The following NMS variants were observed in gnomAD, a reference collection of about 807,000 sequenced individuals.
The protein encoded by NMS is neuromedin S, also known as neuromedin-S.
A neutral mutation model predicts 32.2 loss-of-function variants in NMS; 30 were observed. That is an observed-to-expected ratio of 0.93 (90% CI 0.70 to 1.26). The LOEUF is 1.26. Among genes scored for constraint, NMS ranks in the 50% most tolerant of loss-of-function variants. NMS has a pLI of 0.00. For synonymous variants in NMS, 76 were observed against 58.5 expected, an observed-to-expected ratio of 1.30 and a Z score of -1.37; for missense variants, 190 against 186.3, an observed-to-expected ratio of 1.02 and a Z score of -0.12.
At chr2:100,483,058 C>G (rs1376571228) in intron 9 of NMS, among the ~76,000 whole-genome samples, 194 bp from the exon 10 acceptor site, 2 of 152,228 alleles carry the variant, frequency 1.3e-5, no homozygotes, top group African/African-American at 4.8e-5. Context: ...CTTACACCAA[C>G]CTAATGCCCT....
At chr2:100,478,216 C>T (rs538930137) in intron 5 of NMS, among the ~76,000 whole-genome samples, 4 of 152,264 alleles carry the variant, frequency 2.6e-5, no homozygotes, top group African/African-American at 7.2e-5. Flanking sequence ...CCTGCCTTGG[C>T]CTCCCAAAGT....
At chr2:100,471,826 AAC>A (rs1272153650) in intron 1 of NMS, among the ~76,000 whole-genome samples, 65 of 152,336 alleles carry the variant, frequency 4.3e-4, no homozygotes, top group African/African-American at 1.5e-3. Context: ...ATTTGGGGGA[AAC>A]ACAGGATAAG....
chr2:100,475,724 G>C (rs901326035), intron 3 of NMS, among the ~76,000 whole-genome samples: 1 of 152,128 alleles, frequency 6.6e-6, no homozygotes, highest in African/African-American at 2.4e-5. Flanking sequence ...AGTAGGCCGG[G>C]TGTGGTGGCT....
chr2:100,477,509 G>A (rs956342031), intron 5 of NMS, 95 bp downstream of exon 5: 2 of 882,660 alleles, frequency 2.3e-6, no homozygotes, highest in African/African-American at 3.4e-5. Flanking sequence ...TAGAAAAGCT[G>A]GGGGCTCCGG....
At chr2:100,473,623 CTGTA>C in intron 3 of NMS, 84 bp downstream of exon 3, 1 of 409,916 alleles carries the variant, frequency 2.4e-6, no homozygotes, top group Non-Finnish European at 4.0e-6. Context: ...CAGGAGAATG[CTGTA>C]TGTATGTGCA....
At chr2:100,483,158 G>T in intron 9 of NMS, 94 bp from the exon 10 acceptor site, 2 of 1,134,234 alleles carry the variant, frequency 1.8e-6, no homozygotes, top group Non-Finnish European at 2.6e-6. Flanking sequence ...AGGTCTAATT[G>T]TAAAATATGT....
At chr2:100,475,090 G>A (rs923132253) in intron 3 of NMS, among the ~76,000 whole-genome samples, 1 of 152,178 alleles carries the variant, frequency 6.6e-6, no homozygotes, top group Non-Finnish European at 1.5e-5. Context: ...GGCCCACTAG[G>A]AATGAATTTC....
chr2:100,474,089 C>G (rs147411566), intron 3 of NMS, among the ~76,000 whole-genome samples: 14 of 152,060 alleles, frequency 9.2e-5, no homozygotes, highest in Admixed American at 7.9e-4. Context: ...TGCTTGAACC[C>G]GGGAGGCGGA....
intron 9 of NMS, among the ~76,000 whole-genome samples, chr2:100,483,037 A>G (rs1303569676): frequency 2.6e-5 from 4 of 152,258 alleles, no homozygotes; most frequent in Non-Finnish European, 5.9e-5. Flanking sequence ...ATGCTCCCTG[A>G]GGCCATAGTG....
chr2:100,472,807 C>T lies in NMS; in HGVS notation c.89C>T (p.Pro30Leu). 1.2e-6 allele frequency: 2 copies of T among 1,608,072 alleles called. No individual in the cohort carries two copies. Among genetic ancestry groups the T allele is most frequent in the Non-Finnish European group, 1.7e-6 (2 of 1,175,006 alleles). Residue 30 changes from proline (P) to leucine (L), a missense_variant, in exon 2 of 10, where the codon CCT (proline) becomes CTT (leucine). Coordinates refer to ENST00000376865, the MANE Select transcript of NMS (RefSeq NM_001011717.1). Reference protein sequence around the residue: ...LQIPSSGFPQPLADPSDGLDI... With the variant: ...LQIPSSGFPQLLADPSDGLDI... ...TTTCTCACAATAGGATTTCCTCAACCTTTAGCTGATCCTTCAGATGGCTTG... is the reference window on the plus strand; with the variant it reads ...TTTCTCACAATAGGATTTCCTCAACTTTTAGCTGATCCTTCAGATGGCTTG...
At chr2:100,475,116 T>C (rs893078591) in intron 3 of NMS, among the ~76,000 whole-genome samples, 24 of 152,274 alleles carry the variant, frequency 1.6e-4, no homozygotes, top group African/African-American at 5.3e-4. Context: ...ATCTTCTCCA[T>C]TTTTCCAAGT....
intron 3 of NMS, among the ~76,000 whole-genome samples, chr2:100,476,718 C>T (rs779842501): frequency 1.1e-4 from 17 of 152,142 alleles, no homozygotes; most frequent in African/African-American, 2.7e-4. Flanking sequence ...GTCAGATAAG[C>T]GCACATGCAG....
Position 100,477,382 on chromosome 2 carries a change from A to G in NMS, c.229A>G (p.Thr77Ala). 6.2e-7 allele frequency: 1 copy of G among 1,613,368 alleles called. No homozygotes were observed. The highest frequency in any genetic ancestry group is 8.5e-7 in the Non-Finnish European group (1 of 1,179,426). The change falls in exon 5 of 10, where the codon ACT (threonine) becomes GCT (alanine). Residue 77 changes from threonine to alanine, a missense_variant. Physicochemically the swap from Thr to Ala is moderately conservative, Grantham distance 58. Transcript: ENST00000376865. ...YKRFLFHYSR[T>A]QEATHPVKTG... is the part of the protein sequence containing the mutation. ...TTAGTTTTTGTTTCACTACTCCAGA[A>G]CTCAGGAGGCAACACATCCAGTTAA... is the stretch of plus-strand genomic sequence containing the variant.
chr2:100,479,069 G>A (rs1677165527), intron 5 of NMS, among the ~76,000 whole-genome samples: 2 of 152,144 alleles, frequency 1.3e-5, no homozygotes, highest in South Asian at 2.1e-4. Flanking sequence ...AAGGCGCTCC[G>A]CTCCAGGAGC....
At chr2:100,482,044 G>C (rs1257131624) in intron 8 of NMS, among the ~76,000 whole-genome samples, 1 of 152,192 alleles carries the variant, frequency 6.6e-6, no homozygotes, top group Non-Finnish European at 1.5e-5. Flanking sequence ...GGGATGATGG[G>C]TGACAGTGTT....
Position 100,479,400 on chromosome 2 carries a change from C to G in NMS, c.309C>G (p.Asn103Lys), listed in dbSNP as rs770742656. Residue 103 changes from asparagine (N) to lysine (K), a missense_variant, in exon 6 of 10, where the codon AAC (asparagine) becomes AAG (lysine). By Grantham distance (94) the Asn-to-Lys change is moderately conservative. Transcript: ENST00000376865. ...PLMHLAAKLANRRMKRILQRG... is the reference protein window; with the variant it reads ...PLMHLAAKLAKRRMKRILQRG... ...TGCACCTGGCTGCCAAGCTCGCCAA[C>G]AGGCGGATGAAGAGAATTCTGCAGC... 3.1e-6 allele frequency: 5 copies of G among 1,611,202 alleles called. No homozygotes were observed. In the African/African-American group the frequency reaches 6.7e-5, roughly 22 times the overall value.
At chr2:100,478,225 G>C (rs1442822386) in intron 5 of NMS, among the ~76,000 whole-genome samples, 1 of 151,706 alleles carries the variant, frequency 6.6e-6, no homozygotes, top group Non-Finnish European at 1.5e-5. Context: ...GCCTCCCAAA[G>C]TGCTGGGATT....
At chr2:100,481,090 T>A in intron 7 of NMS, 36 bp from the exon 8 acceptor site, 1 of 1,608,374 alleles carries the variant, frequency 6.2e-7, no homozygotes, top group Non-Finnish European at 8.5e-7. Context: ...TAATGCAATA[T>A]GGTTGCATAA....
At chr2:100,479,669 T>C (rs1236567329) in intron 6 of NMS, among the ~76,000 whole-genome samples, 8 of 152,182 alleles carry the variant, frequency 5.3e-5, no homozygotes, top group African/African-American at 1.4e-4. Context: ...CCAGCCTGCT[T>C]CCATCCCTCT....
Sources: gnomAD v4.1 joint callset for allele counts (sites outside exome capture counted in the v4.1 genomes callset) on GRCh38, gnomAD v4.1.1 for gene constraint, MANE v1.5 for transcripts, NCBI Gene and HGNC (gene_info 2026-07-23, HGNC 2026-07-21) for gene names.